Variants in TRIM26 observed in about 807,000 individuals in gnomAD.
TRIM26 encodes the protein tripartite motif containing 26.
Under a neutral mutation model 45.5 loss-of-function variants are expected in TRIM26, and 16 were observed. The observed-to-expected ratio is 0.35, with a 90% CI of 0.24 to 0.53. The LOEUF is 0.53. Ranked by LOEUF, TRIM26 falls within the 20% of genes least tolerant of loss-of-function variation. TRIM26 has a pLI of 0.92. For missense variants in TRIM26, 442 were observed against 691.1 expected (o/e 0.64, Z 4.04); for synonymous variants, 273 against 290.4 (o/e 0.94, Z 0.61).
chr6:30,213,051 A>G, intron 1 of TRIM26, among the ~76,000 whole-genome samples: 1 of 152,168 alleles, frequency 6.6e-6, no homozygotes, highest in East Asian at 1.9e-4. Flanking sequence ...TCCGCAGACT[A>G]GAATGGATGG....
At chr6:30,187,463 A>G in intron 9 of TRIM26, 3 of 521,242 alleles carry the variant, frequency 5.8e-6, no homozygotes, top group Non-Finnish European at 1.2e-5. Flanking sequence ...GAAAGGGTAC[A>G]AATGCATGAA....
At chr6:30,210,271 C>T (rs1015840321) in intron 1 of TRIM26, among the ~76,000 whole-genome samples, 2 of 151,946 alleles carry the variant, frequency 1.3e-5, no homozygotes, top group Non-Finnish European at 2.9e-5. Context: ...CCAACTTACC[C>T]ATCCAGCCCC....
intron 1 of TRIM26, among the ~76,000 whole-genome samples, chr6:30,212,920 A>T (rs1254427335): frequency 6.7e-6 from 1 of 149,070 alleles, no homozygotes. Flanking sequence ...CCGAACAAAA[A>T]AAAAAAAAAA....
intron 1 of TRIM26, among the ~76,000 whole-genome samples, chr6:30,210,136 C>T (rs1407789151): frequency 6.6e-6 from 1 of 151,596 alleles, no homozygotes; most frequent in Non-Finnish European, 1.5e-5. Context: ...ACCCAGGAGG[C>T]GGAGGTTGCA....
intron 1 of TRIM26, among the ~76,000 whole-genome samples, chr6:30,210,338 A>G (rs1270585722): frequency 6.6e-6 from 1 of 152,088 alleles, no homozygotes; most frequent in Non-Finnish European, 1.5e-5. Flanking sequence ...AACCAGGAAG[A>G]CAGCCCCTTC....
intron 1 of TRIM26, among the ~76,000 whole-genome samples, chr6:30,212,005 G>A (rs1427847972): frequency 6.6e-6 from 1 of 152,176 alleles, no homozygotes; most frequent in African/African-American, 2.4e-5. Context: ...CACGCAAAGA[G>A]TGGAAAAGAG....
chr6:30,187,481 T>C, intron 9 of TRIM26: 2 of 524,658 alleles, frequency 3.8e-6, no homozygotes, highest in East Asian at 5.5e-5. Context: ...GAAATTGTTT[T>C]GGAGTAACTT....
In TRIM26 at chr6:30,199,099, G is replaced by A. The variant is rs758827426; in HGVS notation, c.5C>T (p.Ala2Val). ...CAGGCTCCGTAGTGGGGCTGACGTG[G>A]CCATGGTATCCTTAGTTCAGAGAGG... M[A>V]TSAPLRSLEE... The change falls in exon 4 of 10, where the codon GCC (alanine) becomes GTC (valine). Residue 2 changes from alanine to valine, a missense_variant. Transcript: ENST00000454678. 6.4e-7 allele frequency: 1 copy of A among 1,557,372 alleles called. No homozygotes were observed. The highest frequency in any genetic ancestry group is 8.7e-7 in the Non-Finnish European group (1 of 1,148,174).
chr6:30,208,202 G>A (rs1487598486), intron 1 of TRIM26, among the ~76,000 whole-genome samples: 5 of 152,182 alleles, frequency 3.3e-5, no homozygotes, highest in African/African-American at 1.2e-4. Context: ...AACAATCTTA[G>A]CCACCTGCCC....
intron 1 of TRIM26, among the ~76,000 whole-genome samples, chr6:30,212,258 C>T (rs1778360231): frequency 6.6e-6 from 1 of 152,194 alleles, no homozygotes; most frequent in South Asian, 2.1e-4. Flanking sequence ...CAAAACAAGT[C>T]TGAGAAACTC....
chr6:30,212,733 G>C (rs1051067929), intron 1 of TRIM26, among the ~76,000 whole-genome samples: 2 of 151,772 alleles, frequency 1.3e-5, no homozygotes, highest in Non-Finnish European at 2.9e-5. Flanking sequence ...ACAAATCGTG[G>C]GTCAAAATTT....
At position 30,189,152 on chromosome 6, in the gene TRIM26, C is replaced by T. The variant is rs759969276; in HGVS notation, c.937+15G>A. The stretch of plus-strand genomic sequence containing the variant: ...TATTTGATGTACATCTGGGAAACAC[C>T]CTCTAGACACTCACCTGTCTTATAT... On this transcript the variant is annotated intron_variant, in intron 9 of 9. Transcript: ENST00000454678. The surrounding 1 kb of genome is among the most constrained non-coding windows in gnomAD (Gnocchi z 5.0). 3.1e-6 allele frequency: 5 copies of T among 1,611,758 alleles called. No individual in the cohort carries two copies. The highest frequency in any genetic ancestry group is 4.2e-6 in the Non-Finnish European group (5 of 1,179,718).
chr6:30,190,177 G>T lies in TRIM26; in HGVS notation c.766-142C>A. 1 of 854,670 alleles carries T rather than the reference G, an allele frequency of 1.2e-6. No homozygotes were observed. The highest frequency in any genetic ancestry group is 1.5e-5 in the South Asian group (1 of 65,710). 52.9% of individuals were successfully genotyped at this position (854,670 alleles called of 1,614,324 possible). A position where few individuals can be genotyped will look rare whatever the true frequency, so the allele number is the denominator to read the frequency against. ...CCTTTTTTATGGAGCTGACATTCCA[G>T]TGGGGTCACTGCATAAAACAACAAG... On this transcript the variant is annotated intron_variant, in intron 6 of 9. Transcript: ENST00000454678. The surrounding 1 kb of genome is among the most constrained non-coding windows in gnomAD (Gnocchi z 4.3).
intron 6 of TRIM26, among the ~76,000 whole-genome samples, chr6:30,192,268 C>T (rs1475056508): frequency 1.3e-5 from 2 of 152,110 alleles, no homozygotes; most frequent in Admixed American, 6.5e-5. Flanking sequence ...GGGATGTGCC[C>T]GGTTACTAAG....
At chr6:30,191,091 G>A (rs189693599) in intron 6 of TRIM26, among the ~76,000 whole-genome samples, 2 of 152,184 alleles carry the variant, frequency 1.3e-5, no homozygotes, top group East Asian at 3.9e-4. Flanking sequence ...GCAGTAGGGA[G>A]AAAAAGAGAG....
intron 6 of TRIM26, among the ~76,000 whole-genome samples, chr6:30,195,094 C>G (rs1351643268): frequency 1.3e-5 from 2 of 152,074 alleles, no homozygotes; most frequent in Non-Finnish European, 2.9e-5. Context: ...TCTGAGTGCT[C>G]TGAGTCATTG....
chr6:30,203,572 C>T lies in TRIM26; in HGVS notation c.-266+1084G>A, dbSNP rs554456703. Among the ~76,000 whole-genome samples the T allele has an allele frequency of 1.0e-3, 159 of 152,140 alleles. 5 individuals carry two copies. The South Asian group carries it at 0.032, about 31-fold the overall frequency. ...CTGGGATTACAGGTGCCCACCACCA[C>T]ATCCGGCTAATTTTTTGTAGTTTTA... On this transcript the variant is annotated intron_variant, in intron 2 of 9. Coordinates refer to ENST00000454678, the MANE Select transcript of TRIM26 (RefSeq NM_003449.5).
At chr6:30,199,610 G>T (rs1011860820) in intron 3 of TRIM26, among the ~76,000 whole-genome samples, 30 of 151,418 alleles carry the variant, frequency 2.0e-4, no homozygotes, top group Admixed American at 2.0e-3. Flanking sequence ...GGTCCTGACA[G>T]AGTCAAGAGA....
intron 6 of TRIM26, among the ~76,000 whole-genome samples, chr6:30,191,398 A>G (rs1229364795): frequency 7.5e-6 from 1 of 133,200 alleles, no homozygotes; most frequent in Non-Finnish European, 1.6e-5. Flanking sequence ...GAAGCCTCAG[A>G]ACAGTTAAAA....
Sources: allele counts gnomAD v4.1 joint callset (sites outside exome capture counted in the v4.1 genomes callset), GRCh38; gene constraint gnomAD v4.1.1; non-coding constraint Gnocchi (gnomAD v3.1); transcripts MANE v1.5; gene names NCBI Gene and HGNC (gene_info 2026-07-23, HGNC 2026-07-21).